Variants in TAC3 observed in about 807,000 individuals in gnomAD.
TAC3 encodes the protein tachykinin precursor 3.
In TAC3, 9 loss-of-function variants were observed where a neutral mutation model predicts 16.5. That is an observed-to-expected ratio of 0.55 (90% CI 0.33 to 0.95). The LOEUF is 0.95. TAC3 is among the 40% of genes least tolerant of loss of function. The pLI, the probability that TAC3 is intolerant of heterozygous loss-of-function variation, is 0.03. For missense variants in TAC3, 129 were observed against 149.1 expected, an observed-to-expected ratio of 0.87 and a Z score of 0.70; for synonymous variants, 52 against 56.7, an observed-to-expected ratio of 0.92 and a Z score of 0.37.
intron 6 of TAC3, among the ~76,000 whole-genome samples, chr12:57,011,924 C>T (rs1211311859): frequency 2.0e-5 from 3 of 152,206 alleles, no homozygotes; most frequent in Non-Finnish European, 4.4e-5. Flanking sequence ...TGTATGACTA[C>T]CTTCTGGGCC....
In TAC3 at chr12:57,013,400, A is replaced by G. The variant is rs765438003; in HGVS notation, c.209-12T>C. ...TGATTCCTTAGGATCTGTGAAACCA[A>G]GAACAGATGTCTAAATGGGGAGTGA... is the stretch of plus-strand genomic sequence containing the variant. On this transcript the variant is annotated splice_polypyrimidine_tract_variant and intron_variant, in intron 3 of 6. Transcript: ENST00000458521. The G allele has an allele frequency of 6.2e-6, 10 of 1,613,982 alleles. No homozygotes were observed. Among genetic ancestry groups the G allele is most frequent in the Non-Finnish European group, 7.6e-6 (9 of 1,179,948 alleles).
intron 6 of TAC3, 25 bp downstream of exon 6, chr12:57,012,353 C>T (rs866958697): frequency 1.9e-6 from 3 of 1,573,956 alleles, no homozygotes; most frequent in Middle Eastern, 1.8e-4. Flanking sequence ...AGTCCCCTCT[C>T]CCCTCTCTAA....
chr12:57,013,227 G>T (rs1353343554), intron 4 of TAC3, 132 bp downstream of exon 4: 5 of 1,184,816 alleles, frequency 4.2e-6, no homozygotes, highest in Non-Finnish European at 6.3e-6. Flanking sequence ...AGGAAAGGTT[G>T]GCTGAGCAGT....
At position 57,015,817 on chromosome 12, in the gene TAC3, G is replaced by A; in HGVS notation, c.-5-15C>T. 1 of 1,602,528 alleles carries A rather than the reference G, an allele frequency of 6.2e-7. No homozygotes were observed. The highest frequency in any genetic ancestry group is 1.3e-5 in the African/African-American group (1 of 74,778). On this transcript the variant is annotated splice_polypyrimidine_tract_variant and intron_variant, in intron 1 of 6. Coordinates refer to ENST00000458521, the MANE Select transcript of TAC3 (RefSeq NM_013251.4). ...CCTCATGGTGCCTGGGAGAGCAAAG[G>A]GACAGGACTCAGGTAAAGGAGAGAA...
chr12:57,015,075 G>T (rs985319721), intron 2 of TAC3, among the ~76,000 whole-genome samples: 1 of 152,030 alleles, frequency 6.6e-6, no homozygotes, highest in Non-Finnish European at 1.5e-5. Flanking sequence ...GCTCAATCTG[G>T]TTTTTTTGCT....
chr12:57,015,294 TCTGA>T lies in TAC3; in HGVS notation c.114+386_114+389del, dbSNP rs1956357104. ...ACAAATAACCATTTGGGAAAGAAATTCTGACTGTTTCATACCATCCAGGAAATAG... is the reference window on the plus strand; with the variant it reads ...ACAAATAACCATTTGGGAAAGAAATTCTGTTTCATACCATCCAGGAAATAG... On this transcript the variant is annotated intron_variant, in intron 2 of 6. Transcript: ENST00000458521. Among the ~76,000 whole-genome samples the T allele has an allele frequency of 3.3e-5, 5 of 152,218 alleles. No homozygotes were observed. In the South Asian group the frequency reaches 8.3e-4, roughly 25 times the overall value.
At chr12:57,015,530 C>A (rs1956359525) in intron 2 of TAC3, among the ~76,000 whole-genome samples, 154 bp downstream of exon 2, 1 of 152,194 alleles carries the variant, frequency 6.6e-6, no homozygotes, top group African/African-American at 2.4e-5. Flanking sequence ...ACAGTGGGAA[C>A]ATGAAAGGAC....
At chr12:57,010,406 T>C (rs1662215104) in intron 6 of TAC3, 118 bp from the exon 7 acceptor site, 3 of 349,610 alleles carry the variant, frequency 8.6e-6, no homozygotes, top group South Asian at 6.8e-5. Context: ...GAGGCGTCTG[T>C]GAGAGAGGAA....
intron 6 of TAC3, chr12:57,010,969 A>G (rs1328727085): frequency 6.6e-6 from 1 of 152,428 alleles, no homozygotes; most frequent in Non-Finnish European, 1.5e-5. Context: ...CATTTGTATA[A>G]AATACTATAG....
intron 4 of TAC3, 28 bp from the exon 5 acceptor site, chr12:57,012,903 AGTG>A: frequency 6.2e-7 from 1 of 1,614,096 alleles, no homozygotes; most frequent in South Asian, 1.1e-5. Context: ...CATTGTCAGC[AGTG>A]ATGATGAGAA....
At position 57,012,302 on chromosome 12, in the gene TAC3, G is replaced by A. The variant is rs1956309480; in HGVS notation, c.*1+76C>T. On this transcript the variant is annotated intron_variant, in intron 6 of 6. Transcript: ENST00000458521. ...TATGAGCTTTAATACCTGTAGCATGGGAGGAAATGCACAGCTGGCAACCCC... is the reference window on the plus strand; with the variant it reads ...TATGAGCTTTAATACCTGTAGCATGAGAGGAAATGCACAGCTGGCAACCCC... The A allele has an allele frequency of 2.3e-5, 31 of 1,325,726 alleles. No homozygotes were observed. The South Asian group carries it at 3.9e-4, about 17-fold the overall frequency. 82.1% of individuals were successfully genotyped at this position (1,325,726 alleles called of 1,614,324 possible).
At chr12:57,012,301 G>T in intron 6 of TAC3, 77 bp downstream of exon 6, 3 of 1,308,264 alleles carry the variant, frequency 2.3e-6, no homozygotes, top group Non-Finnish European at 3.3e-6. Flanking sequence ...CCTGTAGCAT[G>T]GGAGGAAATG....
intron 3 of TAC3, 58 bp downstream of exon 3, chr12:57,013,520 G>T (rs762039640): frequency 3.5e-5 from 55 of 1,594,198 alleles, no homozygotes; most frequent in Non-Finnish European, 4.6e-5. Flanking sequence ...GATCTCCCAG[G>T]CCTCTTATCT....
intron 5 of TAC3, 120 bp from the exon 6 acceptor site, chr12:57,012,572 G>C: frequency 6.2e-7 from 1 of 1,604,190 alleles, no homozygotes; most frequent in South Asian, 1.1e-5. Flanking sequence ...GGGAGACTGG[G>C]GTGGAAGCAG....
In TAC3 at chr12:57,012,824, G is replaced by A. The variant is rs1365699047; in HGVS notation, c.290C>T (p.Pro97Leu). Residue 97 changes from proline to leucine, a missense_variant and splice_region_variant, in exon 5 of 7, where the codon CCA becomes CTA. By Grantham distance (98) the Pro-to-Leu change is moderately conservative. Coordinates refer to ENST00000458521, the MANE Select transcript of TAC3 (RefSeq NM_013251.4). ...ACTGTACCTCCACACACTCCTACCT[G>A]GCTGGACGCTCCTCTTGCCCATAAG... is the stretch of plus-strand genomic sequence containing the variant. ...VGLMGKRSVQ[P>L]DSPTDVNQEN... is the part of the protein sequence containing the mutation. The A allele has an allele frequency of 6.2e-7, 1 of 1,614,018 alleles. No individual in the cohort carries two copies. Among genetic ancestry groups the A allele is most frequent in the East Asian group, 2.2e-5 (1 of 44,894 alleles).
At chr12:57,012,987 G>A (rs1430645364) in intron 4 of TAC3, 112 bp from the exon 5 acceptor site, 7 of 1,367,426 alleles carry the variant, frequency 5.1e-6, no homozygotes, top group Non-Finnish European at 6.2e-6. Context: ...CCTTTTTCTT[G>A]TCAAAGCATG....
At chr12:57,013,294 G>A in intron 4 of TAC3, 65 bp downstream of exon 4, 1 of 1,588,432 alleles carries the variant, frequency 6.3e-7, no homozygotes, top group Non-Finnish European at 8.6e-7. Flanking sequence ...ATGGCCCCTG[G>A]GCCCAATGCC....
rs1956375162 is a variant in TAC3 at position 57,016,378 on chromosome 12, C to T, written c.-6+9G>A. ...CTCTGGTCCATCCAGCATTCTCCCACTTGCCTACCTGTGGAGCAGCTCTGT... is the reference window on the plus strand; with the variant it reads ...CTCTGGTCCATCCAGCATTCTCCCATTTGCCTACCTGTGGAGCAGCTCTGT... On this transcript the variant is annotated intron_variant, in intron 1 of 6. Coordinates refer to ENST00000458521, the MANE Select transcript of TAC3 (RefSeq NM_013251.4). 4.5e-6 allele frequency: 2 copies of T among 441,496 alleles called. No individual in the cohort carries two copies. The highest frequency in any genetic ancestry group is 9.2e-6 in the Non-Finnish European group (2 of 217,286). 27.3% of individuals were successfully genotyped at this position (441,496 alleles called of 1,614,324 possible).
In TAC3 at chr12:57,012,673, A is replaced by G. The variant is rs761393688; in HGVS notation, c.292+149T>C. The G allele has an allele frequency of 3.1e-6, 5 of 1,612,900 alleles. No homozygotes were observed. The East Asian group carries it at 1.1e-4, about 36-fold the overall frequency. ...CCAGGGAAGACTTTCCTGTGGATCC[A>G]AGCTGATTGGGATGAAGGGGCCGAG... is the stretch of plus-strand genomic sequence containing the variant. On this transcript the variant is annotated intron_variant, in intron 5 of 6. Transcript: ENST00000458521.
Sources: gnomAD v4.1 joint callset for allele counts (sites outside exome capture counted in the v4.1 genomes callset) on GRCh38, gnomAD v4.1.1 for gene constraint, MANE v1.5 for transcripts, NCBI Gene and HGNC (gene_info 2026-07-23, HGNC 2026-07-21) for gene names.